The following CDH3 variants were observed in gnomAD, a reference collection of about 807,000 sequenced individuals.
CDH3 encodes the protein cadherin 3, also known as cadherin-3.
A neutral mutation model predicts 82.0 loss-of-function variants in CDH3; 54 were observed. That is an observed-to-expected ratio of 0.66 (90% CI 0.53 to 0.83). The LOEUF (loss-of-function observed/expected upper bound fraction) is 0.83, where lower values mean the gene tolerates loss of function less well. Ranked by LOEUF, CDH3 falls within the 40% of genes least tolerant of loss-of-function variation. The probability of loss-of-function intolerance (pLI) is 0.00; values close to 1 mark genes in which losing one functional copy is unlikely to be tolerated. For synonymous variants in CDH3, 446 were observed against 437.9 expected (o/e 1.02, Z -0.23); for missense variants, 1,054 against 1,084.6 (o/e 0.97, Z 0.40).
At chr16:68,667,934 TATTA>T (rs976779159) in intron 2 of CDH3, among the ~76,000 whole-genome samples, 2 of 152,358 alleles carry the variant, frequency 1.3e-5, no homozygotes, top group South Asian at 2.1e-4. Flanking sequence ...TGTCCTATGA[TATTA>T]ATTGTTAATT....
rs189538703 is a variant in CDH3 at position 68,671,731 on chromosome 16, A to C, written c.161-4654A>C. ...GAGACGGGATTTTACTATGTTGGCC[A>C]GGCTGATCTCAAACTCCTGACCTCA... On this transcript the variant is annotated intron_variant, in intron 2 of 15. Coordinates refer to ENST00000264012, the MANE Select transcript of CDH3 (RefSeq NM_001793.6). 7.2e-5 allele frequency among the ~76,000 whole-genome samples: 11 copies of C among 152,156 alleles called. No individual in the cohort carries two copies. The East Asian group carries it at 2.1e-3, about 29-fold the overall frequency.
chr16:68,692,330 C>T (rs1961602524), intron 13 of CDH3, among the ~76,000 whole-genome samples: 1 of 152,138 alleles, frequency 6.6e-6, no homozygotes, highest in Admixed American at 6.5e-5. Context: ...AGCCACTGCG[C>T]CCGGTCCACT....
At chr16:68,686,352 G>C in intron 11 of CDH3, 1 of 1,023,620 alleles carries the variant, frequency 9.8e-7, no homozygotes. Context: ...CACAAGAGCA[G>C]AGTACGAGTC....
chr16:68,687,157 C>A (rs1362309418), intron 11 of CDH3, among the ~76,000 whole-genome samples: 1 of 152,190 alleles, frequency 6.6e-6, no homozygotes, highest in African/African-American at 2.4e-5. Context: ...CTCTGGTTGA[C>A]ATGTAATGAA....
chr16:68,686,675 TACGTAG>T (rs1597813445), intron 11 of CDH3: 5 of 805,916 alleles, frequency 6.2e-6, no homozygotes, highest in Non-Finnish European at 1.1e-5. Flanking sequence ...TCTTGGAAAG[TACGTAG>T]ACTGAAATAA....
chr16:68,712,037 CTTTT>C (rs58452743), intron 1 of CDH3, among the ~76,000 whole-genome samples: 5 of 119,414 alleles, frequency 4.2e-5, no homozygotes, highest in South Asian at 5.5e-4. Flanking sequence ...TTTTTGTTTT[CTTTT>C]TTTTTTTTTT....
intron 12 of CDH3, among the ~76,000 whole-genome samples, chr16:68,688,158 A>G (rs1961468578): frequency 6.6e-6 from 1 of 150,400 alleles, no homozygotes; most frequent in Non-Finnish European, 1.5e-5. Flanking sequence ...TTGGGCTAGA[A>G]TGGTCTTTTA....
chr16:68,664,930 A>T (rs924957478), intron 2 of CDH3, among the ~76,000 whole-genome samples: 1 of 152,072 alleles, frequency 6.6e-6, no homozygotes. Flanking sequence ...AATTACAGGC[A>T]TGAGCCACTG....
intron 10 of CDH3, 66 bp downstream of exon 10, chr16:68,684,890 C>T: frequency 6.3e-7 from 1 of 1,585,054 alleles, no homozygotes; most frequent in South Asian, 1.1e-5. Flanking sequence ...TGATCATGGC[C>T]AACGTTTGTT....
intron 2 of CDH3, among the ~76,000 whole-genome samples, chr16:68,650,058 C>A (rs112210230): frequency 2.4e-4 from 37 of 151,830 alleles, no homozygotes; most frequent in African/African-American, 8.0e-4. Context: ...AACCTGAGGA[C>A]CACAGTAGGG....
chr16:68,687,904 T>C (rs1961461732), intron 12 of CDH3, among the ~76,000 whole-genome samples, 168 bp downstream of exon 12: 1 of 150,558 alleles, frequency 6.6e-6, no homozygotes, highest in Admixed American at 6.6e-5. Context: ...GGTGGAGGTC[T>C]TTGAAATTCC....
intron 2 of CDH3, among the ~76,000 whole-genome samples, chr16:68,726,375 C>T (rs577780757): frequency 6.6e-6 from 1 of 152,226 alleles, no homozygotes; most frequent in Non-Finnish European, 1.5e-5. Flanking sequence ...TCTTGCCTTC[C>T]TTCTCTTGGC....
At chr16:68,719,486 G>T (rs1248750907) in intron 1 of CDH3, among the ~76,000 whole-genome samples, 1 of 147,678 alleles carries the variant, frequency 6.8e-6, no homozygotes, top group African/African-American at 2.5e-5. Context: ...GGATTTTTTG[G>T]CATGATGGAA....
At chr16:68,708,342 T>A (rs1286820869) in intron 1 of CDH3, among the ~76,000 whole-genome samples, 1 of 151,542 alleles carries the variant, frequency 6.6e-6, no homozygotes, top group African/African-American at 2.4e-5. Flanking sequence ...AAAAAAAAGA[T>A]AATTAGTAGG....
intron 2 of CDH3, among the ~76,000 whole-genome samples, chr16:68,652,123 CAG>C (rs982744376): frequency 3.9e-5 from 6 of 152,154 alleles, no homozygotes; most frequent in African/African-American, 1.4e-4. Flanking sequence ...GTGCAACAAA[CAG>C]AAGGCCAGGA....
At chr16:68,673,839 C>T (rs996544480) in intron 2 of CDH3, among the ~76,000 whole-genome samples, 83 of 152,030 alleles carry the variant, frequency 5.5e-4, no homozygotes, top group African/African-American at 1.7e-3. Context: ...GCATGAGAAT[C>T]GCTTGAACCT....
chr16:68,704,301 A>G (rs1421457273), downstream of CDH3, among the ~76,000 whole-genome samples: 7 of 151,426 alleles, frequency 4.6e-5, no homozygotes, highest in African/African-American at 1.5e-4. Context: ...AAAAAAAAAA[A>G]GGGTTAATAT....
chr16:68,677,222 A>G (rs1009847218), intron 3 of CDH3, among the ~76,000 whole-genome samples: 5 of 152,150 alleles, frequency 3.3e-5, no homozygotes, highest in South Asian at 2.1e-4. Flanking sequence ...GCACAGCACA[A>G]TGTCTACCCT....
chr16:68,706,543 C>A (rs1961966175), intron 1 of CDH3, among the ~76,000 whole-genome samples: 1 of 130,762 alleles, frequency 7.6e-6, no homozygotes, highest in African/African-American at 2.9e-5. Flanking sequence ...AGTCACATTT[C>A]CTTTTTTTTT....
Sources: gnomAD v4.1 joint callset for allele counts (sites outside exome capture counted in the v4.1 genomes callset) on GRCh38, gnomAD v4.1.1 for gene constraint, MANE v1.5 for transcripts, NCBI Gene and HGNC (gene_info 2026-07-23, HGNC 2026-07-21) for gene names.